The following PCNX4 variants were observed in gnomAD, a reference collection of about 807,000 sequenced individuals.
PCNX4 encodes the protein pecanex-like protein 4.
Under a neutral mutation model 107.2 loss-of-function variants are expected in PCNX4, and 103 were observed. That is an observed-to-expected ratio of 0.96 (90% confidence interval 0.82 to 1.13). The LOEUF (loss-of-function observed/expected upper bound fraction) is 1.13, where lower values mean the gene tolerates loss of function less well. PCNX4 is among the 50% of genes most tolerant of loss of function. PCNX4 has a pLI of 0.00. For missense variants in PCNX4, 1,528 were observed against 1,379.4 expected, an observed-to-expected ratio of 1.11 and a Z score of -1.71; for synonymous variants, 541 against 481.7, an observed-to-expected ratio of 1.12 and a Z score of -1.61.
intron 10 of PCNX4, among the ~76,000 whole-genome samples, chr14:60,128,449 A>G (rs570061077): frequency 7.2e-4 from 110 of 152,334 alleles, no homozygotes; most frequent in African/African-American, 2.4e-3. Context: ...GTGCCCCCTA[A>G]AGAAAACCCC....
chr14:60,095,976 G>A (rs1298768094), intron 1 of PCNX4, among the ~76,000 whole-genome samples: 8 of 152,170 alleles, frequency 5.3e-5, no homozygotes, highest in African/African-American at 1.9e-4. Context: ...AGCCCTTTCA[G>A]TTCATTGACA....
At chr14:60,131,922 G>GC (rs1445015233) in intron 10 of PCNX4, among the ~76,000 whole-genome samples, 1 of 152,176 alleles carries the variant, frequency 6.6e-6, no homozygotes, top group African/African-American at 2.4e-5. Context: ...CAACAAGGAT[G>GC]CCAAGACCAT....
intron 10 of PCNX4, chr14:60,126,242 C>T (rs1896053447): frequency 6.6e-6 from 1 of 152,602 alleles, no homozygotes; most frequent in Non-Finnish European, 1.5e-5. Context: ...CAAACCTAAC[C>T]TGTGAAAATC....
chr14:60,130,422 A>G (rs977231147), intron 10 of PCNX4, among the ~76,000 whole-genome samples: 2 of 152,178 alleles, frequency 1.3e-5, no homozygotes, highest in Non-Finnish European at 2.9e-5. Flanking sequence ...AAAATAGGAA[A>G]GAAGGGAACT....
chr14:60,100,636 T>C (rs1490994113), intron 1 of PCNX4, among the ~76,000 whole-genome samples: 1 of 152,178 alleles, frequency 6.6e-6, no homozygotes, highest in South Asian at 2.1e-4. Flanking sequence ...GAAACAATAA[T>C]AGGATTTTGA....
At chr14:60,116,424 A>T (rs1436586793) in intron 6 of PCNX4, among the ~76,000 whole-genome samples, 2 of 152,200 alleles carry the variant, frequency 1.3e-5, no homozygotes, top group Non-Finnish European at 2.9e-5. Context: ...CTGCATAAGG[A>T]CGTTTCAGTC....
chr14:60,142,230 T>C lies in PCNX4; in HGVS notation c.*8009T>C, dbSNP rs761132932. ...TAACAAATTGTACACTTTAAATATA[T>C]GCAGTTTATCATACATCAATTATAC... On this transcript the variant is annotated 3_prime_UTR_variant, in exon 11 of 11. Transcript: ENST00000406854. This position sits in a 1 kb window ranked among gnomAD's most constrained non-coding sequence, Gnocchi z 4.7. 4 of 152,214 alleles carry C rather than the reference T, an allele frequency of 2.6e-5. No individual in the cohort carries two copies. The highest frequency in any genetic ancestry group is 4.4e-5 in the Non-Finnish European group (3 of 68,038). 9.4% of individuals were successfully genotyped at this position (152,214 alleles called of 1,614,324 possible). A position where few individuals can be genotyped will look rare whatever the true frequency, so the allele number is the denominator to read the frequency against.
At chr14:60,103,103 A>T (rs536418932) in intron 1 of PCNX4, among the ~76,000 whole-genome samples, 1 of 152,210 alleles carries the variant, frequency 6.6e-6, no homozygotes, top group African/African-American at 2.4e-5. Context: ...CTACCTGTCA[A>T]ATTTCTCTGA....
chr14:60,124,950 A>C lies in PCNX4; in HGVS notation c.2779A>C (p.Lys927Gln). ...TAGCTGTATGCCCAGTTCCAAAATG[A>C]AGGAGATGAGCTCGTTATTTCCAGA... ...RTSCMPSSKM[K>Q]EMSSLFPEDW... Residue 927 changes from lysine (K) to glutamine (Q), a missense_variant, in exon 9 of 11, where the codon AAG (lysine) becomes CAG (glutamine). Transcript: ENST00000406854. 6.2e-7 allele frequency: 1 copy of C among 1,613,872 alleles called. No individual in the cohort carries two copies. Among genetic ancestry groups the C allele is most frequent in the South Asian group, 1.1e-5 (1 of 91,080 alleles).
chr14:60,138,825 A>G lies in PCNX4; in HGVS notation c.*4604A>G, dbSNP rs1419761643. On this transcript the variant is annotated 3_prime_UTR_variant, in exon 11 of 11. Coordinates refer to ENST00000406854, the MANE Select transcript of PCNX4 (RefSeq NM_001330177.2). Reference sequence around the variant, plus strand: ...TATATATACAGTTTAAGTGAATATTAACTATATAAAATAGTCTTCGAGGTT... The same window carrying G: ...TATATATACAGTTTAAGTGAATATTGACTATATAAAATAGTCTTCGAGGTT... 1 of 152,170 alleles carries G rather than the reference A, an allele frequency of 6.6e-6. No homozygotes were observed. Among genetic ancestry groups the G allele is most frequent in the African/African-American group, 2.4e-5 (1 of 41,450 alleles). The allele number at this position is 152,170 out of a possible 1,614,324, so 9.4% of individuals were successfully genotyped here.
At chr14:60,104,271 A>G (rs1327947626) in intron 1 of PCNX4, among the ~76,000 whole-genome samples, 1 of 147,188 alleles carries the variant, frequency 6.8e-6, no homozygotes, top group Non-Finnish European at 1.5e-5. Flanking sequence ...GTGAGCTGAG[A>G]TCACGCCACT....
chr14:60,115,875 T>C, intron 5 of PCNX4, 56 bp downstream of exon 5: 1 of 1,588,936 alleles, frequency 6.3e-7, no homozygotes, highest in Non-Finnish European at 8.6e-7. Flanking sequence ...TATTGTAATT[T>C]TGTTTAATAG....
At chr14:60,128,083 G>A (rs1329303106) in intron 10 of PCNX4, among the ~76,000 whole-genome samples, 1 of 152,112 alleles carries the variant, frequency 6.6e-6, no homozygotes, top group Admixed American at 6.6e-5. Context: ...AAAAGGAAGA[G>A]AGCTTCAGAG....
At position 60,147,286 on chromosome 14, in the gene PCNX4, A is replaced by G. The variant is rs1038779193; in HGVS notation, c.*13065A>G. 2.0e-5 allele frequency: 3 copies of G among 152,206 alleles called. No individual in the cohort carries two copies. The highest frequency in any genetic ancestry group is 2.9e-5 in the Non-Finnish European group (2 of 68,034). 9.4% of individuals were successfully genotyped at this position (152,206 alleles called of 1,614,324 possible). ...AGTTATAAGATAAATAACTTATGTT[A>G]TTATAATTTACAGATTCTAAGGATC... is the stretch of plus-strand genomic sequence containing the variant. On this transcript the variant is annotated 3_prime_UTR_variant, in exon 11 of 11. Transcript: ENST00000406854.
intron 7 of PCNX4, among the ~76,000 whole-genome samples, chr14:60,120,203 G>A (rs1895928525): frequency 1.3e-5 from 2 of 152,174 alleles, no homozygotes; most frequent in Admixed American, 1.3e-4. Flanking sequence ...GAGTTGCACA[G>A]AGTTGCACAG....
rs1278643710 is a variant in PCNX4 at position 60,134,001 on chromosome 14, A to T, written c.3299A>T (p.Gln1100Leu). ...TACACTGGGAGAGTGCTTAGCCTTC[A>T]AGAATTATTGATCCAAGTGGGAAAG... Reference protein sequence around the residue: ...GIYTGRVLSLQELLIQVGKLN... With the variant: ...GIYTGRVLSLLELLIQVGKLN... Residue 1100 changes from glutamine to leucine, a missense_variant, in exon 11 of 11, where the codon CAA becomes CTA. Transcript: ENST00000406854. 6.2e-7 allele frequency: 1 copy of T among 1,613,378 alleles called. No homozygotes were observed. Among genetic ancestry groups the T allele is most frequent in the African/African-American group, 1.3e-5 (1 of 74,918 alleles).
chr14:60,099,093 A>G (rs2140529741), intron 1 of PCNX4, among the ~76,000 whole-genome samples: 1 of 152,324 alleles, frequency 6.6e-6, no homozygotes, highest in Middle Eastern at 3.4e-3. Flanking sequence ...AACAGATAGC[A>G]CTTGGCTATC....
In PCNX4 at chr14:60,120,220, C is replaced by G. The variant is rs1438739877; in HGVS notation, c.1943-976C>G. Among the ~76,000 whole-genome samples the G allele has an allele frequency of 2.6e-5, 4 of 152,182 alleles. No individual in the cohort carries two copies. The East Asian group carries it at 7.7e-4, about 29-fold the overall frequency. On this transcript the variant is annotated intron_variant, in intron 7 of 10. Transcript: ENST00000406854. ...GTTGCACAGAGTTGCACAGAATGTG[C>G]TTAATGCCCTGGCAACAAGTTGTGA...
Position 60,144,568 on chromosome 14 carries a change from A to G in PCNX4, c.*10347A>G. ...AAGCAGAGATCAGCCTTCACCAGAC[A>G]CTAATTCTGCTGGTGCATTGGTCTT... On this transcript the variant is annotated 3_prime_UTR_variant, in exon 11 of 11. Coordinates refer to ENST00000406854, the MANE Select transcript of PCNX4 (RefSeq NM_001330177.2). 4.8e-6 allele frequency: 1 copy of G among 207,104 alleles called. No homozygotes were observed. The highest frequency in any genetic ancestry group is 9.6e-6 in the Non-Finnish European group (1 of 104,654). 12.8% of individuals were successfully genotyped at this position (207,104 alleles called of 1,614,324 possible). A position where few individuals can be genotyped will look rare whatever the true frequency, so the allele number is the denominator to read the frequency against.
Sources: gnomAD v4.1 joint callset for allele counts (sites outside exome capture counted in the v4.1 genomes callset) on GRCh38, gnomAD v4.1.1 for gene constraint, Gnocchi (gnomAD v3.1) non-coding constraint, MANE v1.5 for transcripts, NCBI Gene and HGNC (gene_info 2026-07-23, HGNC 2026-07-21) for gene names.